GRIN2B: variants seen among roughly 807,000 people sequenced by gnomAD.
GRIN2B encodes the protein glutamate receptor ionotropic, NMDA 2B.
In GRIN2B, 5 loss-of-function variants were observed where a neutral mutation model predicts 114.5. The observed-to-expected ratio is 0.04, with a 90% CI of 0.02 to 0.09. The LOEUF (loss-of-function observed/expected upper bound fraction) is 0.09. Among genes scored for constraint, GRIN2B ranks in the 10% least tolerant of loss-of-function variants. GRIN2B has a pLI of 1.00. For synonymous variants in GRIN2B, 787 were observed against 745.1 expected (o/e 1.06, Z -0.92); for missense variants, 1,108 against 1,943.5 (o/e 0.57, Z 8.08).
At chr12:13,626,989 G>C (rs1949575339) in intron 5 of GRIN2B, among the ~76,000 whole-genome samples, 1 of 151,824 alleles carries the variant, frequency 6.6e-6, no homozygotes, top group African/African-American at 2.4e-5. Context: ...CACCTGACTG[G>C]CTGGGTCGAA....
At chr12:13,857,471 C>T (rs1156625440) in intron 3 of GRIN2B, among the ~76,000 whole-genome samples, 2 of 151,866 alleles carry the variant, frequency 1.3e-5, no homozygotes, top group African/African-American at 4.8e-5. Flanking sequence ...TCTAAGAATC[C>T]CTAAAAGGGA....
intron 2 of GRIN2B, among the ~76,000 whole-genome samples, chr12:13,895,905 G>A (rs1346192474): frequency 6.6e-6 from 1 of 152,136 alleles, no homozygotes; most frequent in Non-Finnish European, 1.5e-5. Flanking sequence ...GTATGTGGCA[G>A]AGGTTAAGTC....
At chr12:13,744,725 C>A (rs145856028) in intron 4 of GRIN2B, among the ~76,000 whole-genome samples, 1 of 152,272 alleles carries the variant, frequency 6.6e-6, no homozygotes, top group East Asian at 1.9e-4. Context: ...CAGCGGGAAG[C>A]CCTAATCTGT....
At chr12:13,597,994 G>T (rs976042715) in intron 10 of GRIN2B, among the ~76,000 whole-genome samples, 1 of 152,206 alleles carries the variant, frequency 6.6e-6, no homozygotes, top group Non-Finnish European at 1.5e-5. Context: ...TACAGATCCT[G>T]CATTCATTCT....
chr12:13,754,579 TA>T (rs35547052), intron 3 of GRIN2B, among the ~76,000 whole-genome samples: 89,086 of 151,450 alleles, frequency 0.59, 27,297 homozygotes, highest in African/African-American at 0.76. Context: ...ATGTGTTCTA[TA>T]AACATATAAA....
At chr12:13,695,995 C>A (rs1258708001) in intron 4 of GRIN2B, among the ~76,000 whole-genome samples, 1 of 152,024 alleles carries the variant, frequency 6.6e-6, no homozygotes, top group Admixed American at 6.6e-5. Context: ...ATAGCTCTGA[C>A]CTCTGCAGGA....
chr12:13,784,156 G>A (rs111696514), intron 3 of GRIN2B, among the ~76,000 whole-genome samples: 14,790 of 148,530 alleles, frequency 0.1, 969 homozygotes, highest in Middle Eastern at 0.14. Flanking sequence ...CCTGGGAGGC[G>A]GAGCTTGCAG....
intron 3 of GRIN2B, among the ~76,000 whole-genome samples, chr12:13,783,960 A>G (rs1864170252): frequency 1.3e-5 from 2 of 152,148 alleles, no homozygotes; most frequent in South Asian, 4.1e-4. Context: ...GCGGTGGCTC[A>G]TGCCTGTAAT....
At chr12:13,690,158 A>G (rs11055584) in intron 4 of GRIN2B, among the ~76,000 whole-genome samples, 58,297 of 151,904 alleles carry the variant, frequency 0.38, 11,762 homozygotes, top group Middle Eastern at 0.49. Flanking sequence ...CCAAACTAGT[A>G]TCTTGCTTGT....
chr12:13,977,671 G>GA (rs576668230), intron 2 of GRIN2B, among the ~76,000 whole-genome samples: 72 of 152,156 alleles, frequency 4.7e-4, no homozygotes, highest in Admixed American at 1.1e-3. Context: ...CTGTGAGGGG[G>GA]AAAAAGGGGG....
chr12:13,690,689 G>A (rs1950209557), intron 4 of GRIN2B, among the ~76,000 whole-genome samples: 2 of 152,036 alleles, frequency 1.3e-5, no homozygotes, highest in Admixed American at 1.3e-4. Flanking sequence ...GCTGACACAG[G>A]AGTGAACATA....
chr12:13,552,759 T>C lies in GRIN2B; in HGVS notation c.*10024A>G, dbSNP rs1411268847. On this transcript the variant is annotated 3_prime_UTR_variant, in exon 14 of 14. Transcript: ENST00000609686. ...AGGCTATCTAGACCCCATAGGACTTTTGAAAAGCAAAATTATCTCTCTAGA... is the reference window on the plus strand; with the variant it reads ...AGGCTATCTAGACCCCATAGGACTTCTGAAAAGCAAAATTATCTCTCTAGA... 1 of 152,190 alleles carries C rather than the reference T, an allele frequency of 6.6e-6. No individual in the cohort carries two copies. The highest frequency in any genetic ancestry group is 1.5e-5 in the Non-Finnish European group (1 of 68,032). The allele number at this position is 152,190 out of a possible 1,614,324, so 9.4% of individuals were successfully genotyped here.
At chr12:13,723,994 G>T (rs1862929816) in intron 4 of GRIN2B, among the ~76,000 whole-genome samples, 1 of 152,104 alleles carries the variant, frequency 6.6e-6, no homozygotes, top group African/African-American at 2.4e-5. Context: ...GAAAAGAATG[G>T]GACCTGGAGA....
chr12:13,683,319 C>T (rs1447325340), intron 4 of GRIN2B, among the ~76,000 whole-genome samples: 1 of 152,114 alleles, frequency 6.6e-6, no homozygotes, highest in Non-Finnish European at 1.5e-5. Context: ...CGTACACACT[C>T]ATACTGCAAC....
intron 4 of GRIN2B, among the ~76,000 whole-genome samples, chr12:13,695,285 G>C (rs11055589): frequency 6.6e-6 from 1 of 152,040 alleles, no homozygotes; most frequent in African/African-American, 2.4e-5. Flanking sequence ...CCAAACACTG[G>C]CCTGCCACTG....
rs544839494 is a variant in GRIN2B at position 13,729,860 on chromosome 12, T to A, written c.1010+23457A>T. ...GGATAAGGGTGAGGAGGAGAGAACA[T>A]GGCATGCAGTGGGAACACTGTTGGA... is the stretch of plus-strand genomic sequence containing the variant. On this transcript the variant is annotated intron_variant, in intron 4 of 13. Transcript: ENST00000609686. 2.7e-5 allele frequency among the ~76,000 whole-genome samples: 4 copies of A among 146,436 alleles called. No homozygotes were observed. In the East Asian group the frequency reaches 8.7e-4, roughly 32 times the overall value.
At chr12:13,952,025 T>C (rs771836055) in intron 2 of GRIN2B, among the ~76,000 whole-genome samples, 6 of 152,184 alleles carry the variant, frequency 3.9e-5, no homozygotes, top group African/African-American at 9.6e-5. Flanking sequence ...TGTGTATATA[T>C]AGCAGTAAGA....
intron 3 of GRIN2B, among the ~76,000 whole-genome samples, chr12:13,853,734 G>C (rs971841046): frequency 6.6e-5 from 10 of 152,196 alleles, no homozygotes; most frequent in Non-Finnish European, 5.9e-5. Context: ...GCAGCCCAGA[G>C]AGACGTAGGA....
intron 5 of GRIN2B, among the ~76,000 whole-genome samples, chr12:13,668,786 T>A (rs192749729): frequency 1.1e-4 from 16 of 152,074 alleles, no homozygotes; most frequent in Non-Finnish European, 1.9e-4. Context: ...GCACTTTTTT[T>A]ATTGCAATGT....
Sources: allele counts gnomAD v4.1 joint callset (sites outside exome capture counted in the v4.1 genomes callset), GRCh38; gene constraint gnomAD v4.1.1; transcripts MANE v1.5; gene names NCBI Gene and HGNC (gene_info 2026-07-23, HGNC 2026-07-21).